Variants in ADAMTSL1 observed in about 807,000 individuals in gnomAD.
ADAMTSL1 encodes the protein ADAMTS like 1.
A neutral mutation model predicts 201.8 loss-of-function variants in ADAMTSL1; 126 were observed. The ratio of observed to expected loss-of-function variants is 0.62; its 90% confidence interval spans 0.54 to 0.72. The LOEUF is 0.72. ADAMTSL1 is among the 30% of genes least tolerant of loss of function. ADAMTSL1 has a pLI of 0.00. For synonymous variants in ADAMTSL1, 1,121 were observed against 903.4 expected (o/e 1.24, Z -4.32); for missense variants, 2,679 against 2,277.8 (o/e 1.18, Z -3.59).
At chr9:18,612,193 C>T (rs568630159) in intron 4 of ADAMTSL1, among the ~76,000 whole-genome samples, 1 of 152,238 alleles carries the variant, frequency 6.6e-6, no homozygotes, top group African/African-American at 2.4e-5. Flanking sequence ...GGGTGAAGGA[C>T]CAGAGACATA....
intron 18 of ADAMTSL1, among the ~76,000 whole-genome samples, chr9:18,776,373 C>CT (rs1171475114): frequency 2.0e-5 from 3 of 152,188 alleles, no homozygotes; most frequent in Non-Finnish European, 4.4e-5. Context: ...TCCTCTGCCT[C>CT]TTTTTATGAC....
At chr9:18,274,136 G>A (rs1832493190) in intron 2 of ADAMTSL1, among the ~76,000 whole-genome samples, 1 of 152,260 alleles carries the variant, frequency 6.6e-6, no homozygotes, top group African/African-American at 2.4e-5. Context: ...AAAGCAAGAA[G>A]TGTGAGTTCT....
intron 2 of ADAMTSL1, among the ~76,000 whole-genome samples, chr9:18,277,683 T>C (rs1832637146): frequency 6.6e-6 from 1 of 152,210 alleles, no homozygotes; most frequent in Non-Finnish European, 1.5e-5. Context: ...AAAGTGAGTC[T>C]CTTGTAGGCA....
chr9:18,287,591 A>G (rs539107050), intron 2 of ADAMTSL1, among the ~76,000 whole-genome samples: 1 of 135,572 alleles, frequency 7.4e-6, no homozygotes, highest in East Asian at 2.0e-4. Flanking sequence ...ATGTGTATAT[A>G]TACACACATA....
At position 18,238,487 on chromosome 9, in the gene ADAMTSL1, C is replaced by T. The variant is rs1019301945; in HGVS notation, c.207+74506C>T. Among the ~76,000 whole-genome samples the T allele has an allele frequency of 3.9e-5, 6 of 152,100 alleles. No individual in the cohort carries two copies. In the East Asian group the frequency reaches 1.2e-3, roughly 29 times the overall value. On this transcript the variant is annotated intron_variant, in intron 2 of 29. Coordinates refer to the ADAMTSL1 transcript ENST00000680146. Reference sequence around the variant, plus strand: ...TCATAACTGGGTGCCAGTCTGTGTACTGTAGCTGTTACTTAATCTCTCTGA... The same window carrying T: ...TCATAACTGGGTGCCAGTCTGTGTATTGTAGCTGTTACTTAATCTCTCTGA...
At chr9:18,736,128 T>C (rs1476179199) in intron 15 of ADAMTSL1, among the ~76,000 whole-genome samples, 1 of 152,166 alleles carries the variant, frequency 6.6e-6, no homozygotes, top group African/African-American at 2.4e-5. Flanking sequence ...TATTTATCAA[T>C]GTTGCTTTCA....
intron 1 of ADAMTSL1, among the ~76,000 whole-genome samples, chr9:17,948,747 T>A (rs935813599): frequency 3.9e-5 from 6 of 152,202 alleles, no homozygotes; most frequent in African/African-American, 7.2e-5. Flanking sequence ...ACCATCCTGG[T>A]TTAGGTTAAT....
At chr9:18,176,389 G>A (rs1828157560) in intron 2 of ADAMTSL1, among the ~76,000 whole-genome samples, 2 of 152,104 alleles carry the variant, frequency 1.3e-5, no homozygotes, top group Admixed American at 1.3e-4. Context: ...ATGCTATAGT[G>A]ATAATAACTG....
At chr9:17,938,982 A>G (rs901817650) in intron 1 of ADAMTSL1, among the ~76,000 whole-genome samples, 2 of 152,074 alleles carry the variant, frequency 1.3e-5, no homozygotes, top group African/African-American at 2.4e-5. Flanking sequence ...TGGGAGGGAA[A>G]TATCCCTCCT....
At chr9:18,755,087 T>C (rs1250828653) in intron 16 of ADAMTSL1, among the ~76,000 whole-genome samples, 1 of 152,234 alleles carries the variant, frequency 6.6e-6, no homozygotes, top group Non-Finnish European at 1.5e-5. Context: ...TGTGTATGGC[T>C]AAAAGGCCTT....
intron 14 of ADAMTSL1, among the ~76,000 whole-genome samples, chr9:18,707,870 G>T (rs2133338148): frequency 6.6e-6 from 1 of 152,342 alleles, no homozygotes; most frequent in Non-Finnish European, 1.5e-5. Flanking sequence ...GAACAGGATT[G>T]TAGTGGCAGA....
chr9:18,892,628 C>G, intron 26 of ADAMTSL1, 32 bp downstream of exon 26: 1 of 1,546,492 alleles, frequency 6.5e-7, no homozygotes, highest in Non-Finnish European at 8.7e-7. Flanking sequence ...TATTTGAAAG[C>G]TAAATCTAAA....
chr9:18,700,173 A>G (rs1264395267), intron 13 of ADAMTSL1, among the ~76,000 whole-genome samples: 1 of 152,256 alleles, frequency 6.6e-6, no homozygotes, highest in Non-Finnish European at 1.5e-5. Flanking sequence ...TGCTCCAGCT[A>G]TATTTTAAGA....
At chr9:18,312,581 C>T (rs1834197792) in intron 2 of ADAMTSL1, among the ~76,000 whole-genome samples, 1 of 152,108 alleles carries the variant, frequency 6.6e-6, no homozygotes. Flanking sequence ...GTATGCTATA[C>T]CAAGACGTTC....
intron 2 of ADAMTSL1, among the ~76,000 whole-genome samples, chr9:18,382,029 C>A (rs1023525334): frequency 6.6e-5 from 10 of 152,150 alleles, no homozygotes; most frequent in African/African-American, 9.7e-5. Context: ...ATTGCTTCTG[C>A]TTCTCCTGTA....
At chr9:17,925,076 T>C (rs1826470581) in intron 1 of ADAMTSL1, among the ~76,000 whole-genome samples, 1 of 78,724 alleles carries the variant, frequency 1.3e-5, no homozygotes, top group Middle Eastern at 5.9e-3. Flanking sequence ...AAAGAAGACA[T>C]TTATGCAGCC....
intron 2 of ADAMTSL1, among the ~76,000 whole-genome samples, chr9:18,236,617 T>C (rs1830859735): frequency 6.6e-6 from 1 of 152,216 alleles, no homozygotes; most frequent in Non-Finnish European, 1.5e-5. Context: ...TATTTTTAGG[T>C]TGTTAAAAGA....
chr9:18,311,009 G>C (rs966006693), intron 2 of ADAMTSL1, among the ~76,000 whole-genome samples: 8 of 150,404 alleles, frequency 5.3e-5, no homozygotes, highest in Middle Eastern at 3.4e-3. Context: ...ATACACCATG[G>C]AATACTATGC....
intron 1 of ADAMTSL1, among the ~76,000 whole-genome samples, chr9:17,970,850 C>A (rs928426110): frequency 2.0e-5 from 3 of 151,962 alleles, no homozygotes; most frequent in African/African-American, 7.2e-5. Context: ...TGTGAAACTC[C>A]ATGCTTTTTG....
Sources: gnomAD v4.1 joint callset for allele counts (sites outside exome capture counted in the v4.1 genomes callset) on GRCh38, gnomAD v4.1.1 for gene constraint, MANE v1.5 for transcripts, NCBI Gene and HGNC (gene_info 2026-07-23, HGNC 2026-07-21) for gene names.